The following ARID3A variants were observed in gnomAD, a reference collection of about 807,000 sequenced individuals.
The protein encoded by ARID3A is AT-rich interaction domain 3A, also known as AT-rich interactive domain-containing protein 3A.
A neutral mutation model predicts 52.7 loss-of-function variants in ARID3A; 11 were observed. The observed-to-expected ratio is 0.21, with a 90% CI of 0.13 to 0.35. ARID3A has a LOEUF of 0.35. ARID3A is among the 10% of genes least tolerant of loss of function. ARID3A has a pLI of 1.00. For missense variants in ARID3A, 721 were observed against 838.5 expected, an observed-to-expected ratio of 0.86 and a Z score of 1.73; for synonymous variants, 404 against 359.4, an observed-to-expected ratio of 1.12 and a Z score of -1.40.
At chr19:966,198 G>A (rs1301485172) in intron 6 of ARID3A, among the ~76,000 whole-genome samples, 4 of 150,406 alleles carry the variant, frequency 2.7e-5, no homozygotes, top group Non-Finnish European at 5.9e-5. Flanking sequence ...GGTGGCTCAC[G>A]CCTGTAATCC....
At chr19:943,725 G>T (rs779663431) in intron 3 of ARID3A, among the ~76,000 whole-genome samples, 1 of 152,184 alleles carries the variant, frequency 6.6e-6, no homozygotes, top group Non-Finnish European at 1.5e-5. Context: ...CTCCCCTGGA[G>T]CCCCAGTGAC....
chr19:962,416 G>T (rs2038060628), intron 4 of ARID3A, among the ~76,000 whole-genome samples: 1 of 151,594 alleles, frequency 6.6e-6, no homozygotes, highest in East Asian at 1.9e-4. Context: ...CCCACGACGG[G>T]CCCTGGTGAT....
Position 938,206 on chromosome 19 carries a change from A to AT in ARID3A, c.693+5468dup, listed in dbSNP as rs1256980501. Among the ~76,000 whole-genome samples the AT allele has an allele frequency of 2.0e-5, 3 of 151,930 alleles. No individual in the cohort carries two copies. The highest frequency in any genetic ancestry group is 7.3e-5 in the African/African-American group (3 of 41,326). On this transcript the variant is annotated intron_variant, in intron 3 of 8. Coordinates refer to ENST00000263620, the MANE Select transcript of ARID3A (RefSeq NM_005224.3). The surrounding 1 kb of genome is among the most constrained non-coding windows in gnomAD (Gnocchi z 4.0). ...GGCGTGGTTTCTCACTGTGGTTCTGATTTTCATTCAGTGTCAGGATCTCTC... is the reference window on the plus strand; with the variant it reads ...GGCGTGGTTTCTCACTGTGGTTCTGATTTTTCATTCAGTGTCAGGATCTCTC...
chr19:956,894 C>T (rs962672864), intron 3 of ARID3A, among the ~76,000 whole-genome samples: 5 of 152,208 alleles, frequency 3.3e-5, no homozygotes, highest in African/African-American at 7.2e-5. Context: ...AGGGGCTGGG[C>T]GTGGGTCTCC....
At chr19:968,880 C>G (rs1404174306) in intron 8 of ARID3A, 2 of 158,364 alleles carry the variant, frequency 1.3e-5, no homozygotes, top group African/African-American at 4.8e-5. Context: ...GTCTTGAACT[C>G]TGGGCTCACG....
rs374719856 is a variant in ARID3A at position 942,403 on chromosome 19, C to T, written c.693+9661C>T. ...ACTCAAGGTCCTCTCCACTGGCCGCCGGGAGCCGGGCCGGGAGCCGCTGCG... is the reference window on the plus strand; with the variant it reads ...ACTCAAGGTCCTCTCCACTGGCCGCTGGGAGCCGGGCCGGGAGCCGCTGCG... On this transcript the variant is annotated intron_variant, in intron 3 of 8. Transcript: ENST00000263620. This position sits in a 1 kb window ranked among gnomAD's most constrained non-coding sequence, Gnocchi z 8.1. Among the ~76,000 whole-genome samples the T allele has an allele frequency of 1.2e-4, 18 of 152,140 alleles. No individual in the cohort carries two copies. The highest frequency in any genetic ancestry group is 4.1e-4 in the South Asian group (2 of 4,834).
rs774450541 is a variant in ARID3A, at chr19:932,490, CGAGGATGAGGAGGAG to C, written c.447_461del (p.Asp149_Glu153del). The stretch of plus-strand genomic sequence containing the variant: ...ATGAGGAGGAGGAGGAGGAGGATTA[CGAGGATGAGGAGGAG>C]GAGGAGGACGAGGAGGGGCTGGGCC... On this transcript the variant is annotated inframe_deletion, in exon 3 of 9. Coordinates refer to ENST00000263620, the MANE Select transcript of ARID3A (RefSeq NM_005224.3). 23 of 1,568,776 alleles carry C rather than the reference CGAGGATGAGGAGGAG, an allele frequency of 1.5e-5. No homozygotes were observed. In the Admixed American group the frequency reaches 4.6e-4, roughly 31 times the overall value.
chr19:961,471 G>A (rs1225793012), intron 4 of ARID3A, among the ~76,000 whole-genome samples: 1 of 152,212 alleles, frequency 6.6e-6, no homozygotes, highest in Non-Finnish European at 1.5e-5. Context: ...CTGTGAGGCT[G>A]GACAGATCCT....
chr19:972,120 G>GT lies in ARID3A; in HGVS notation c.*56dup. 5 of 1,461,096 alleles carry GT rather than the reference G, an allele frequency of 3.4e-6. No individual in the cohort carries two copies. The South Asian group carries it at 6.8e-5, about 20-fold the overall frequency. 90.5% of individuals were successfully genotyped at this position (1,461,096 alleles called of 1,614,324 possible). A position where few individuals can be genotyped will look rare whatever the true frequency, so the allele number is the denominator to read the frequency against. ...TGGAGCCCGCCGGCCTGGGCAGGGG[G>GT]TCCAGGTGGGCCACACAGGGGCCAG... On this transcript the variant is annotated 3_prime_UTR_variant, in exon 9 of 9. Coordinates refer to ENST00000263620, the MANE Select transcript of ARID3A (RefSeq NM_005224.3).
At position 932,685 on chromosome 19, in the gene ARID3A, C is replaced by A; in HGVS notation, c.636C>A (p.Ala212=). The A allele has an allele frequency of 6.5e-7, 1 of 1,546,668 alleles. No homozygotes were observed. The highest frequency in any genetic ancestry group is 8.7e-7 in the Non-Finnish European group (1 of 1,146,268). Residue 212 remains alanine, a synonymous_variant, in exon 3 of 9, where the codon GCC becomes GCA. Coordinates refer to ENST00000263620, the MANE Select transcript of ARID3A (RefSeq NM_005224.3). ...ACCCCGGAGGGGCCGCCCACGTAGCCCCGCAGCTGCAGCCGCCTGACCACG... is the reference window on the plus strand; with the variant it reads ...ACCCCGGAGGGGCCGCCCACGTAGCACCGCAGCTGCAGCCGCCTGACCACG... The part of the protein sequence containing the change: ...PAHPGGAAHV[A]PQLQPPDHGD...
At chr19:943,260 CAAAAAAA>C (rs2037595149) in intron 3 of ARID3A, among the ~76,000 whole-genome samples, 2 of 121,468 alleles carry the variant, frequency 1.6e-5, no homozygotes, top group African/African-American at 6.2e-5. Context: ...GACCCTGTGT[CAAAAAAA>C]GAAAAAAAAA....
At chr19:954,054 T>A (rs572333501) in intron 3 of ARID3A, among the ~76,000 whole-genome samples, 1 of 151,862 alleles carries the variant, frequency 6.6e-6, no homozygotes, top group South Asian at 2.1e-4. Flanking sequence ...ACCCTGTCCC[T>A]AAATAGGGCA....
chr19:932,472 G>GGAGGAGGAGGAGGATTACGAGGAT lies in ARID3A; in HGVS notation c.438_461dup (p.Asp146_Glu153dup). ...AGGAAGACCTCGGGGAGGATGAGGA[G>GGAGGAGGAGGAGGATTACGAGGAT]GAGGAGGAGGAGGATTACGAGGATG... On this transcript the variant is annotated inframe_insertion, in exon 3 of 9. Coordinates refer to ENST00000263620, the MANE Select transcript of ARID3A (RefSeq NM_005224.3). 1 of 1,575,388 alleles carries GGAGGAGGAGGAGGATTACGAGGAT rather than the reference G, an allele frequency of 6.3e-7. No homozygotes were observed. The highest frequency in any genetic ancestry group is 8.6e-7 in the Non-Finnish European group (1 of 1,167,050).
At chr19:930,711 A>T (rs113638860) in intron 2 of ARID3A, among the ~76,000 whole-genome samples, 10 of 149,588 alleles carry the variant, frequency 6.7e-5, no homozygotes, top group Admixed American at 3.3e-4. Flanking sequence ...GGGTTTCACC[A>T]TGTTAGCCAA....
chr19:964,242 C>G lies in ARID3A; in HGVS notation c.767-6C>G. 1 of 1,607,382 alleles carries G rather than the reference C, an allele frequency of 6.2e-7. No homozygotes were observed. The highest frequency in any genetic ancestry group is 8.5e-7 in the Non-Finnish European group (1 of 1,174,998). On this transcript the variant is annotated splice_polypyrimidine_tract_variant and splice_region_variant and intron_variant, in intron 4 of 8. Transcript: ENST00000263620. This position sits in a 1 kb window ranked among gnomAD's most constrained non-coding sequence, Gnocchi z 5.7. Reference sequence around the variant, plus strand: ...CCCCCAACCTCCCTCTCGCCCCTTCCCCCAGGGACACCTGTGAACCGCATC... The same window carrying G: ...CCCCCAACCTCCCTCTCGCCCCTTCGCCCAGGGACACCTGTGAACCGCATC...
At chr19:931,772 C>T (rs963999323) in intron 2 of ARID3A, among the ~76,000 whole-genome samples, 3 of 149,404 alleles carry the variant, frequency 2.0e-5, no homozygotes, top group South Asian at 2.3e-4. Context: ...GAGATTGCGC[C>T]GTTGCACTCC....
At chr19:951,215 C>T (rs989458282) in intron 3 of ARID3A, among the ~76,000 whole-genome samples, 1 of 151,958 alleles carries the variant, frequency 6.6e-6, no homozygotes, top group African/African-American at 2.4e-5. Flanking sequence ...CCTTGGCCTC[C>T]CAACGTGCTG....
In ARID3A at chr19:964,729, A is replaced by G. The variant is rs1377897991; in HGVS notation, c.951-104A>G. 1.3e-6 allele frequency: 2 copies of G among 1,487,338 alleles called. No homozygotes were observed. The highest frequency in any genetic ancestry group is 2.7e-5 in the South Asian group (2 of 73,784). The allele number at this position is 1,487,338 out of a possible 1,614,324, so 92.1% of individuals were successfully genotyped here. On this transcript the variant is annotated intron_variant, in intron 5 of 8. Coordinates refer to ENST00000263620, the MANE Select transcript of ARID3A (RefSeq NM_005224.3). The surrounding 1 kb of genome is among the most constrained non-coding windows in gnomAD (Gnocchi z 5.7). ...GGCTGCTGAGCAAGTCCAAGGGAAG[A>G]ACCAGGGATGGTGGTGCCACAGTGG...
In ARID3A at chr19:960,098, G is replaced by A. The variant is rs761152181; in HGVS notation, c.700G>A (p.Glu234Lys). The change falls in exon 4 of 9, where the codon GAA becomes AAA. Residue 234 changes from glutamate (E) to lysine (K), a missense_variant. Glu to Lys is a moderately conservative substitution (Grantham distance 56). This residue lies in a region of ARID3A where 27 missense variants were observed against 35.7 expected (regional missense o/e 0.76). Coordinates refer to ENST00000263620, the MANE Select transcript of ARID3A (RefSeq NM_005224.3). This position sits in a 1 kb window ranked among gnomAD's most constrained non-coding sequence, Gnocchi z 4.3. ...CCCCTCTCCACCCTCACAGCTCTAC[G>A]AACTCGACGGGGACCCCAAGAGGAA... ...TYEEQFKQLYELDGDPKRKEF... is the reference protein window; with the variant it reads ...TYEEQFKQLYKLDGDPKRKEF... 5 of 1,612,694 alleles carry A rather than the reference G, an allele frequency of 3.1e-6. No homozygotes were observed. Among genetic ancestry groups the A allele is most frequent in the African/African-American group, 2.7e-5 (2 of 74,840 alleles).
Sources: allele counts gnomAD v4.1 joint callset (sites outside exome capture counted in the v4.1 genomes callset), GRCh38; gene constraint gnomAD v4.1.1; regional missense constraint gnomAD v4.1.1; non-coding constraint Gnocchi (gnomAD v3.1); transcripts MANE v1.5; gene names NCBI Gene and HGNC (gene_info 2026-07-23, HGNC 2026-07-21).